The following PDGFRL variants were observed in gnomAD, a reference collection of about 807,000 sequenced individuals.
PDGFRL encodes the protein platelet derived growth factor receptor like, also known as platelet-derived growth factor receptor-like protein.
In PDGFRL, 46 loss-of-function variants were observed where a neutral mutation model predicts 37.2. That is an observed-to-expected ratio of 1.24 (90% CI 0.98 to 1.58). The LOEUF (loss-of-function observed/expected upper bound fraction) is 1.58. Ranked by LOEUF, PDGFRL falls within the 40% of genes most tolerant of loss-of-function variation. The pLI is 0.00. For missense variants in PDGFRL, 692 were observed against 467.6 expected (o/e 1.48, Z -4.43); for synonymous variants, 251 against 184.3 (o/e 1.36, Z -2.93).
At chr8:17,605,695 C>T (rs1235974087) in intron 2 of PDGFRL, among the ~76,000 whole-genome samples, 1 of 152,218 alleles carries the variant, frequency 6.6e-6, no homozygotes, top group Non-Finnish European at 1.5e-5. Context: ...GCAGTAAAAA[C>T]AAGATAGGCT....
intron 1 of PDGFRL, among the ~76,000 whole-genome samples, chr8:17,582,617 A>G (rs1003142922): frequency 2.0e-5 from 3 of 151,360 alleles, no homozygotes; most frequent in Non-Finnish European, 2.9e-5. Flanking sequence ...CTCAAGATCA[A>G]TTACAGCAGC....
chr8:17,580,331 AAAAG>A (rs1803680442), intron 1 of PDGFRL, among the ~76,000 whole-genome samples: 1 of 152,210 alleles, frequency 6.6e-6, no homozygotes, highest in Admixed American at 6.5e-5. Flanking sequence ...TTGAGAAAAA[AAAAG>A]AGTAAAAATT....
At chr8:17,624,234 T>C (rs1034601182) in intron 3 of PDGFRL, among the ~76,000 whole-genome samples, 1 of 152,200 alleles carries the variant, frequency 6.6e-6, no homozygotes, top group Non-Finnish European at 1.5e-5. Context: ...TGGCTACCCA[T>C]GTGGAGAAAT....
At chr8:17,628,918 T>G (rs1047706193) in intron 4 of PDGFRL, 138 bp downstream of exon 4, 8 of 632,620 alleles carry the variant, frequency 1.3e-5, no homozygotes, top group Non-Finnish European at 2.2e-5. Flanking sequence ...TTGTTGTTTT[T>G]TTTTCTCTTT....
At chr8:17,595,329 C>A (rs1360933857) in intron 2 of PDGFRL, among the ~76,000 whole-genome samples, 1 of 152,168 alleles carries the variant, frequency 6.6e-6, no homozygotes, top group African/African-American at 2.4e-5. Flanking sequence ...TTTTCCTGCT[C>A]CCAAAGGTGC....
intron 1 of PDGFRL, among the ~76,000 whole-genome samples, chr8:17,586,276 TCTC>T (rs1803814606): frequency 6.6e-6 from 1 of 152,030 alleles, no homozygotes; most frequent in Admixed American, 6.5e-5. Context: ...TTGACCAACA[TCTC>T]CTCACCGAGG....
chr8:17,628,401 T>A (rs1403032359), intron 3 of PDGFRL, 86 bp from the exon 4 acceptor site: 1 of 987,664 alleles, frequency 1.0e-6, no homozygotes, highest in Non-Finnish European at 1.6e-6. Context: ...GGACTCAGTA[T>A]TCAGAGTATG....
intron 2 of PDGFRL, among the ~76,000 whole-genome samples, chr8:17,599,609 G>C (rs1444146928): frequency 1.3e-5 from 2 of 152,174 alleles, no homozygotes; most frequent in African/African-American, 4.8e-5. Flanking sequence ...CGTACAGCTC[G>C]CCACGTGGCC....
chr8:17,622,316 T>C (rs1022732615), intron 3 of PDGFRL, among the ~76,000 whole-genome samples: 1 of 152,208 alleles, frequency 6.6e-6, no homozygotes, highest in Admixed American at 6.5e-5. Flanking sequence ...TCCAAGACAT[T>C]TCAGGTGAAA....
rs528660635 is a variant in PDGFRL, at chr8:17,599,553, A to C, written c.353+9788A>C. 9.2e-5 allele frequency among the ~76,000 whole-genome samples: 14 copies of C among 152,198 alleles called. No individual in the cohort carries two copies. In the South Asian group the frequency reaches 2.9e-3, roughly 32 times the overall value. The stretch of plus-strand genomic sequence containing the variant: ...CGACCCTAAATGACCCTGTTCATCT[A>C]CTTTCTCTTGTCTGCACATGGACCC... On this transcript the variant is annotated intron_variant, in intron 2 of 5. Transcript: ENST00000251630.
At chr8:17,582,235 C>T (rs901009262) in intron 1 of PDGFRL, among the ~76,000 whole-genome samples, 18 of 152,120 alleles carry the variant, frequency 1.2e-4, no homozygotes, top group African/African-American at 4.1e-4. Context: ...CTAGGGTATC[C>T]TAAAGAAGAA....
At chr8:17,639,189 C>A (rs1452714729) in intron 5 of PDGFRL, among the ~76,000 whole-genome samples, 1 of 152,148 alleles carries the variant, frequency 6.6e-6, no homozygotes, top group South Asian at 2.1e-4. Flanking sequence ...ACAGCAGATA[C>A]TTGGTTGGTG....
At chr8:17,631,536 G>C (rs1258959950) in intron 4 of PDGFRL, among the ~76,000 whole-genome samples, 2 of 151,248 alleles carry the variant, frequency 1.3e-5, no homozygotes, top group Non-Finnish European at 3.0e-5. Flanking sequence ...CCAGTGTTTT[G>C]CTGAGCCCAC....
intron 2 of PDGFRL, among the ~76,000 whole-genome samples, chr8:17,620,580 T>C (rs1358755155): frequency 6.6e-6 from 1 of 152,216 alleles, no homozygotes; most frequent in Non-Finnish European, 1.5e-5. Flanking sequence ...AGGGTTCACA[T>C]CTTGTATTGC....
At chr8:17,596,904 G>A (rs1044071837) in intron 2 of PDGFRL, among the ~76,000 whole-genome samples, 2 of 152,228 alleles carry the variant, frequency 1.3e-5, no homozygotes, top group African/African-American at 4.8e-5. Flanking sequence ...TTTGGATAGA[G>A]AAGTATTCAT....
chr8:17,577,273 T>A lies in PDGFRL; in HGVS notation c.21T>A (p.Leu7=), dbSNP rs150742821. The change falls in exon 1 of 6, where the codon CTT becomes CTA. Residue 7 remains leucine (L), a synonymous_variant. Coordinates refer to ENST00000251630, the MANE Select transcript of PDGFRL (RefSeq NM_001372073.1). ...CCGAGATGAAGGTCTGGCTGCTGCT[T>A]GGTCTTCTGCTGGTGCACGAAGCGC... is the stretch of plus-strand genomic sequence containing the variant. The part of the protein sequence containing the change: MKVWLL[L]GLLLVHEALE... The A allele has an allele frequency of 1.4e-4, 222 of 1,612,970 alleles. 2 individuals carry two copies. The East Asian group carries it at 4.9e-3, about 36-fold the overall frequency.
At chr8:17,588,383 G>A (rs890118974) in intron 1 of PDGFRL, among the ~76,000 whole-genome samples, 1 of 152,206 alleles carries the variant, frequency 6.6e-6, no homozygotes, top group African/African-American at 2.4e-5. Context: ...GTTCACTGTG[G>A]TTCAAAATCT....
At chr8:17,628,375 C>G (rs970984152) in intron 3 of PDGFRL, 112 bp from the exon 4 acceptor site, 5 of 737,928 alleles carry the variant, frequency 6.8e-6, no homozygotes, top group Admixed American at 2.3e-5. Context: ...GAAAACCCGG[C>G]CTTTCCTACT....
chr8:17,632,121 C>G (rs2588262), intron 4 of PDGFRL, among the ~76,000 whole-genome samples: 22,882 of 152,210 alleles, frequency 0.15, 2,923 homozygotes, highest in African/African-American at 0.35. Flanking sequence ...CCTTCACCCA[C>G]GGGTCAGGCC....
Sources: gnomAD v4.1 joint callset for allele counts (sites outside exome capture counted in the v4.1 genomes callset) on GRCh38, gnomAD v4.1.1 for gene constraint, MANE v1.5 for transcripts, NCBI Gene and HGNC (gene_info 2026-07-23, HGNC 2026-07-21) for gene names.